NMT1: variants seen among roughly 807,000 people sequenced by gnomAD.
NMT1 encodes glycylpeptide N-tetradecanoyltransferase 1.
A neutral mutation model predicts 63.4 loss-of-function variants in NMT1; 12 were observed. That is an observed-to-expected ratio of 0.19 (90% CI 0.12 to 0.31). NMT1 has a LOEUF of 0.31. Ranked by LOEUF, NMT1 falls within the 10% of genes least tolerant of loss-of-function variation. NMT1 has a pLI of 1.00. For missense variants in NMT1, 432 were observed against 634.6 expected, an observed-to-expected ratio of 0.68 and a Z score of 3.43; for synonymous variants, 228 against 234.3, an observed-to-expected ratio of 0.97 and a Z score of 0.25.
chr17:45,093,048 T>C (rs1354046581), intron 3 of NMT1, among the ~76,000 whole-genome samples: 5 of 152,224 alleles, frequency 3.3e-5, no homozygotes, highest in African/African-American at 1.2e-4. Flanking sequence ...AGGAGGGGCC[T>C]ATCCTGCTCA....
intron 3 of NMT1, among the ~76,000 whole-genome samples, chr17:45,088,648 AGAGT>A (rs1370897404): frequency 2.6e-5 from 4 of 152,092 alleles, no homozygotes; most frequent in Admixed American, 2.6e-4. Context: ...CAGCTACTTG[AGAGT>A]CTGAGGTGGG....
intron 2 of NMT1, among the ~76,000 whole-genome samples, chr17:45,086,031 A>C (rs904225120): frequency 6.6e-6 from 1 of 151,656 alleles, no homozygotes; most frequent in Non-Finnish European, 1.5e-5. Flanking sequence ...CATGTTGCCC[A>C]GGCTGGTCTT....
At chr17:45,070,990 G>A (rs2053936147) in intron 1 of NMT1, among the ~76,000 whole-genome samples, 2 of 152,206 alleles carry the variant, frequency 1.3e-5, no homozygotes, top group African/African-American at 2.4e-5. Context: ...AGCCGCAGAA[G>A]TACAGAGACT....
intron 2 of NMT1, among the ~76,000 whole-genome samples, chr17:45,085,917 G>A (rs576711529): frequency 6.6e-6 from 1 of 151,732 alleles, no homozygotes; most frequent in Non-Finnish European, 1.5e-5. Context: ...TGCCTCCCAG[G>A]TTCAAGCAAT....
Position 45,061,350 on chromosome 17 carries a change from A to C in NMT1, c.21A>C (p.Thr7=), listed in dbSNP as rs763334167. The change falls in exon 1 of 12, where the codon ACA becomes ACC. Residue 7 remains threonine, a synonymous_variant. Coordinates refer to ENST00000258960, the MANE Select transcript of NMT1 (RefSeq NM_021079.5). ...TCAAGATGGCGGACGAGAGTGAGAC[A>C]GCAGTGAAGCCGCCGGCACCTCCGC... The part of the protein sequence containing the change: MADESE[T]AVKPPAPPLP... The C allele has an allele frequency of 2.5e-6, 4 of 1,613,868 alleles. No individual in the cohort carries two copies. Among genetic ancestry groups the C allele is most frequent in the Non-Finnish European group, 3.4e-6 (4 of 1,179,972 alleles).
At chr17:45,093,457 G>T (rs193170025) in intron 3 of NMT1, among the ~76,000 whole-genome samples, 1 of 152,246 alleles carries the variant, frequency 6.6e-6, no homozygotes, top group Non-Finnish European at 1.5e-5. Flanking sequence ...TCCAAAACAC[G>T]AACCACCTTG....
chr17:45,076,023 T>C (rs2053975036), intron 1 of NMT1, among the ~76,000 whole-genome samples: 2 of 152,126 alleles, frequency 1.3e-5, no homozygotes, highest in Admixed American at 1.3e-4. Flanking sequence ...TGAGCCAAGA[T>C]TGTGCCATTG....
chr17:45,090,788 G>A (rs887056251), intron 3 of NMT1, among the ~76,000 whole-genome samples: 1 of 152,092 alleles, frequency 6.6e-6, no homozygotes, highest in Non-Finnish European at 1.5e-5. Context: ...AAGCAAGTTC[G>A]AAGTGTCATC....
intron 1 of NMT1, among the ~76,000 whole-genome samples, chr17:45,066,653 C>A (rs2053904787): frequency 6.6e-6 from 1 of 151,910 alleles, no homozygotes; most frequent in African/African-American, 2.4e-5. Context: ...CATACATATG[C>A]AGTGTGTATG....
chr17:45,063,790 G>A (rs895247972), intron 1 of NMT1, among the ~76,000 whole-genome samples: 20 of 152,142 alleles, frequency 1.3e-4, no homozygotes, highest in African/African-American at 2.2e-4. Flanking sequence ...CAGCTACTCC[G>A]GAGACTGAGG....
chr17:45,069,714 T>C (rs1244696105), intron 1 of NMT1, among the ~76,000 whole-genome samples: 1 of 152,122 alleles, frequency 6.6e-6, no homozygotes, highest in Non-Finnish European at 1.5e-5. Context: ...TTCTGCATCT[T>C]GAGTCTGCAG....
intron 2 of NMT1, among the ~76,000 whole-genome samples, chr17:45,084,914 C>T (rs760036072): frequency 3.9e-5 from 6 of 152,118 alleles, no homozygotes; most frequent in African/African-American, 1.4e-4. Flanking sequence ...TCTTTCTTAA[C>T]TTCATCCTAC....
At chr17:45,082,268 T>G (rs1178473792) in intron 2 of NMT1, among the ~76,000 whole-genome samples, 3 of 149,570 alleles carry the variant, frequency 2.0e-5, no homozygotes, top group African/African-American at 7.4e-5. Context: ...ACCACACCTG[T>G]CCAGTTTTTT....
intron 1 of NMT1, among the ~76,000 whole-genome samples, chr17:45,080,907 C>T (rs1345133785): frequency 1.3e-5 from 2 of 152,178 alleles, no homozygotes; most frequent in African/African-American, 2.4e-5. Flanking sequence ...GCTGGGACTA[C>T]AGGCATGTGC....
At chr17:45,090,532 C>CA (rs2143498697) in intron 3 of NMT1, among the ~76,000 whole-genome samples, 1 of 152,320 alleles carries the variant, frequency 6.6e-6, no homozygotes, top group South Asian at 2.1e-4. Flanking sequence ...GATGTGCACT[C>CA]ACCTGGTTTC....
At position 45,075,596 on chromosome 17, in the gene NMT1, A is replaced by G. The variant is rs113237610; in HGVS notation, c.132-6048A>G. 6.7e-3 allele frequency among the ~76,000 whole-genome samples: 1,026 copies of G among 152,262 alleles called. 9 individuals are homozygous for G. The highest frequency in any genetic ancestry group is 0.024 in the African/African-American group (992 of 41,540). On this transcript the variant is annotated intron_variant, in intron 1 of 11. Transcript: ENST00000258960. ...GGAGTTCAAGACCAGCCTGGCCAAC[A>G]TGGTGAAACCCCGTCTCTACTAAAA...
chr17:45,090,627 C>G (rs1387575801), intron 3 of NMT1, among the ~76,000 whole-genome samples: 1 of 152,148 alleles, frequency 6.6e-6, no homozygotes, highest in Non-Finnish European at 1.5e-5. Context: ...CTCAGACATT[C>G]TCATTTCTCC....
rs763238851 is a variant in NMT1 at position 45,097,238 on chromosome 17, A to G, written c.707A>G (p.Tyr236Cys). 4 of 1,611,848 alleles carry G rather than the reference A, an allele frequency of 2.5e-6. No homozygotes were observed. Among genetic ancestry groups the G allele is most frequent in the Non-Finnish European group, 1.7e-6 (2 of 1,177,996 alleles). Residue 236 changes from tyrosine to cysteine, a missense_variant, in exon 6 of 12, where the codon TAT (tyrosine) becomes TGT (cysteine). Transcript: ENST00000258960. ...ISAIPANIHI[Y>C]DTEKKMVEIN... ...GCCATCCCAGCAAACATCCATATCTATGACACGTAAGCACCTGCACCTACC... is the reference window on the plus strand; with the variant it reads ...GCCATCCCAGCAAACATCCATATCTGTGACACGTAAGCACCTGCACCTACC...
intron 1 of NMT1, among the ~76,000 whole-genome samples, chr17:45,079,953 C>T (rs1008721355): frequency 1.3e-5 from 2 of 152,152 alleles, no homozygotes; most frequent in African/African-American, 4.8e-5. Flanking sequence ...CCGCCTCGGC[C>T]TCCCAAAATA....
Sources: allele counts gnomAD v4.1 joint callset (sites outside exome capture counted in the v4.1 genomes callset), GRCh38; gene constraint gnomAD v4.1.1; transcripts MANE v1.5; gene names NCBI Gene and HGNC (gene_info 2026-07-23, HGNC 2026-07-21).